Variants in MLIP observed in about 807,000 individuals in gnomAD.
MLIP encodes the protein muscular LMNA-interacting protein.
In MLIP, 79 loss-of-function variants were observed where a neutral mutation model predicts 84.8. The observed-to-expected ratio is 0.93, with a 90% CI of 0.78 to 1.12. The LOEUF (loss-of-function observed/expected upper bound fraction) is 1.12. Ranked by LOEUF, MLIP falls within the 50% of genes most tolerant of loss-of-function variation. MLIP has a pLI of 0.00. For synonymous variants in MLIP, 504 were observed against 463.0 expected (o/e 1.09, Z -1.14); for missense variants, 1,257 against 1,160.6 (o/e 1.08, Z -1.21).
At chr6:54,258,870 C>A (rs1404318794) in intron 13 of MLIP, among the ~76,000 whole-genome samples, 2 of 151,980 alleles carry the variant, frequency 1.3e-5, no homozygotes, top group Non-Finnish European at 2.9e-5. Context: ...AGCCTGCAGT[C>A]TGTGCCTCTT....
chr6:54,160,237 T>C (rs905152581), intron 5 of MLIP, 130 bp from the exon 6 acceptor site: 1 of 693,218 alleles, frequency 1.4e-6, no homozygotes. Context: ...TGTTAAAGAA[T>C]AGCTCATCAA....
chr6:54,073,840 G>A (rs1290863282), intron 1 of MLIP, among the ~76,000 whole-genome samples: 1 of 152,154 alleles, frequency 6.6e-6, no homozygotes, highest in Non-Finnish European at 1.5e-5. Flanking sequence ...CTCTTGCAAA[G>A]GCACAACTAA....
At chr6:54,119,358 A>G (rs1438079042) in intron 1 of MLIP, among the ~76,000 whole-genome samples, 2 of 152,262 alleles carry the variant, frequency 1.3e-5, no homozygotes, top group Non-Finnish European at 2.9e-5. Flanking sequence ...CTATTCAGCT[A>G]TGAAAAGAAT....
Position 54,111,516 on chromosome 6 carries a change from A to C in MLIP, c.37A>C (p.Asn13His), listed in dbSNP as rs1260215106. The change falls in exon 1 of 14, where the codon AAC (asparagine) becomes CAC (histidine). Residue 13 changes from asparagine (N) to histidine (H), a missense_variant. By Grantham distance (68) the Asn-to-His change is moderately conservative (BLOSUM62 1). Transcript: ENST00000502396. ...SEQGLLSDCG[N>H]NYFQMTSCIL... ...ACAGGGGCTTCTGAGTGACTGCGGG[A>C]ACAATTACTTCCAAATGACCTCGTG... The C allele has an allele frequency of 3.9e-6, 6 of 1,536,026 alleles. No homozygotes were observed. The highest frequency in any genetic ancestry group is 4.4e-6 in the Non-Finnish European group (5 of 1,146,868).
intron 8 of MLIP, among the ~76,000 whole-genome samples, chr6:54,167,699 A>C (rs1310889181): frequency 1.3e-5 from 2 of 151,886 alleles, no homozygotes; most frequent in Admixed American, 1.3e-4. Flanking sequence ...CTTTTATAGA[A>C]AGTCTTTTCT....
At chr6:54,078,451 G>GT (rs1453082638) in intron 1 of MLIP, among the ~76,000 whole-genome samples, 1 of 152,054 alleles carries the variant, frequency 6.6e-6, no homozygotes, top group African/African-American at 2.4e-5. Flanking sequence ...AGGCATGGTT[G>GT]TGCACAACTG....
chr6:54,147,334 G>A (rs1772957569), intron 4 of MLIP, among the ~76,000 whole-genome samples: 1 of 152,108 alleles, frequency 6.6e-6, no homozygotes, highest in Admixed American at 6.6e-5. Flanking sequence ...ATGAGTAATA[G>A]TAATAAATGT....
At chr6:54,020,522 AC>A (rs950298193) in intron 1 of MLIP, among the ~76,000 whole-genome samples, 1 of 152,186 alleles carries the variant, frequency 6.6e-6, no homozygotes, top group African/African-American at 2.4e-5. Context: ...GTGAAATTTG[AC>A]CCTGAGCTTC....
chr6:54,117,211 C>CTTTTTTTTT (rs200691416), intron 1 of MLIP, among the ~76,000 whole-genome samples: 1 of 117,830 alleles, frequency 8.5e-6, no homozygotes, highest in Non-Finnish European at 1.7e-5. Context: ...CTATTTCTGT[C>CTTTTTTTTT]TTTTTTTTTT....
intron 1 of MLIP, among the ~76,000 whole-genome samples, chr6:54,040,420 T>G (rs1429946742): frequency 6.6e-6 from 1 of 151,868 alleles, no homozygotes. Flanking sequence ...AAATAACAGA[T>G]GTTGGCAAGG....
chr6:54,051,989 A>G (rs1162679194), intron 1 of MLIP, among the ~76,000 whole-genome samples: 1 of 152,160 alleles, frequency 6.6e-6, no homozygotes, highest in Non-Finnish European at 1.5e-5. Flanking sequence ...TGAATTCAGA[A>G]GCTAAAATGA....
chr6:54,233,847 C>T (rs574903420), intron 12 of MLIP, among the ~76,000 whole-genome samples: 1 of 152,294 alleles, frequency 6.6e-6, no homozygotes, highest in South Asian at 2.1e-4. Flanking sequence ...TCCAGATCTT[C>T]TCCAGCCTCT....
At chr6:54,078,462 C>T (rs562588099) in intron 1 of MLIP, among the ~76,000 whole-genome samples, 14 of 152,066 alleles carry the variant, frequency 9.2e-5, no homozygotes, top group Non-Finnish European at 8.8e-5. Context: ...TGCACAACTG[C>T]GGTCCCAGCT....
At chr6:54,209,332 G>A (rs1485810577) in intron 11 of MLIP, among the ~76,000 whole-genome samples, 1 of 152,176 alleles carries the variant, frequency 6.6e-6, no homozygotes, top group Non-Finnish European at 1.5e-5. Context: ...GAAGGCATAA[G>A]AGAAGCAAAG....
chr6:54,075,621 T>C (rs1302494792), intron 1 of MLIP, among the ~76,000 whole-genome samples: 1 of 152,216 alleles, frequency 6.6e-6, no homozygotes, highest in Non-Finnish European at 1.5e-5. Context: ...GCTTCCAGAC[T>C]GGAAATGTTT....
chr6:54,219,388 T>C (rs1425821977), intron 11 of MLIP, among the ~76,000 whole-genome samples: 4 of 99,166 alleles, frequency 4.0e-5, no homozygotes, highest in Admixed American at 1.1e-4. Context: ...TTTTTTTTTT[T>C]CTCAGACACA....
intron 1 of MLIP, among the ~76,000 whole-genome samples, chr6:54,051,389 C>T (rs567835804): frequency 6.6e-6 from 1 of 151,970 alleles, no homozygotes; most frequent in Admixed American, 6.6e-5. Context: ...CCTTTCAATA[C>T]AAAGGCAGGG....
At chr6:54,256,824 A>T (rs1025173318) in intron 12 of MLIP, among the ~76,000 whole-genome samples, 1 of 152,170 alleles carries the variant, frequency 6.6e-6, no homozygotes, top group African/African-American at 2.4e-5. Context: ...TAGTCACAAT[A>T]AAGCACAATA....
intron 12 of MLIP, among the ~76,000 whole-genome samples, chr6:54,255,145 T>C (rs1782923404): frequency 6.6e-6 from 1 of 152,126 alleles, no homozygotes; most frequent in Non-Finnish European, 1.5e-5. Flanking sequence ...TTCCCCTGTC[T>C]CTCTGTCTTC....
Sources: allele counts gnomAD v4.1 joint callset (sites outside exome capture counted in the v4.1 genomes callset), GRCh38; gene constraint gnomAD v4.1.1; transcripts MANE v1.5; gene names NCBI Gene and HGNC (gene_info 2026-07-23, HGNC 2026-07-21).